Variants in IL34 observed in about 807,000 individuals in gnomAD.
IL34 encodes the protein interleukin 34, also known as interleukin-34.
IL34 carries 17 observed loss-of-function variants against 25.3 expected under a neutral mutation model. The ratio of observed to expected loss-of-function variants is 0.67; its 90% CI spans 0.46 to 1.01. The LOEUF is 1.01. IL34 is among the 50% of genes least tolerant of loss of function. The pLI, the probability that IL34 is intolerant of heterozygous loss-of-function variation, is 0.00. For missense variants in IL34, 368 were observed against 312.9 expected, an observed-to-expected ratio of 1.18 and a Z score of -1.33; for synonymous variants, 174 against 140.9, an observed-to-expected ratio of 1.23 and a Z score of -1.66.
Position 70,646,978 on chromosome 16 carries a change from G to T in IL34, c.28+3G>T. 6.9e-7 allele frequency: 1 copy of T among 1,456,748 alleles called. No individual in the cohort carries two copies. 90.2% of individuals were successfully genotyped at this position (1,456,748 alleles called of 1,614,324 possible). A position where few individuals can be genotyped will look rare whatever the true frequency, so the allele number is the denominator to read the frequency against. The stretch of plus-strand genomic sequence containing the variant: ...CCGGGGCTTCACCTGGCTGCGCTGT[G>T]AGTACTGGGGGGTCCCTAGGGACCT... On this transcript the variant is annotated splice_donor_region_variant and intron_variant, in intron 1 of 5. Coordinates refer to ENST00000288098, the MANE Select transcript of IL34 (RefSeq NM_001393494.1).
chr16:70,620,310 G>C (rs201149398), intron 1 of IL34, among the ~76,000 whole-genome samples: 7 of 152,174 alleles, frequency 4.6e-5, no homozygotes, highest in Admixed American at 1.3e-4. Flanking sequence ...TCTGATTTGG[G>C]ATAAAGAAAA....
intron 2 of IL34, among the ~76,000 whole-genome samples, 172 bp from the exon 3 acceptor site, chr16:70,656,430 G>A (rs1019827304): frequency 6.6e-6 from 1 of 152,158 alleles, no homozygotes; most frequent in South Asian, 2.1e-4. Context: ...GAGGTGGAAG[G>A]ATTGCTTGAG....
chr16:70,593,339 T>G (rs1186161462), intron 1 of IL34, among the ~76,000 whole-genome samples: 1 of 152,182 alleles, frequency 6.6e-6, no homozygotes, highest in Non-Finnish European at 1.5e-5. Flanking sequence ...TTTTGATATA[T>G]AGAAAAACAT....
At position 70,613,341 on chromosome 16, in the gene IL34, C is replaced by T. The variant is rs531180575; in HGVS notation, c.-400-33207C>T. On this transcript the variant is annotated intron_variant, in intron 1 of 6. Transcript: ENST00000429149. ...CTTCTTGGCTCAGGCAGGCTTGTAGCGTAGACTGGGGACATGGGGTTGGAG... is the reference window on the plus strand; with the variant it reads ...CTTCTTGGCTCAGGCAGGCTTGTAGTGTAGACTGGGGACATGGGGTTGGAG... 1.1e-4 allele frequency among the ~76,000 whole-genome samples: 16 copies of T among 152,254 alleles called. No individual in the cohort carries two copies. In the South Asian group the frequency reaches 1.4e-3, roughly 14 times the overall value.
intron 1 of IL34, among the ~76,000 whole-genome samples, chr16:70,609,447 A>G (rs2051058868): frequency 6.6e-6 from 1 of 152,088 alleles, no homozygotes; most frequent in Non-Finnish European, 1.5e-5. Flanking sequence ...AGTGCTTTTA[A>G]TCTCTCAGCC....
chr16:70,659,176 C>T (rs1044608599), intron 4 of IL34, among the ~76,000 whole-genome samples: 1 of 152,180 alleles, frequency 6.6e-6, no homozygotes, highest in Non-Finnish European at 1.5e-5. Context: ...CAGCTTGAAG[C>T]TGGACACCCT....
At chr16:70,616,709 AT>A (rs2051178493) in intron 1 of IL34, among the ~76,000 whole-genome samples, 1 of 152,170 alleles carries the variant, frequency 6.6e-6, no homozygotes, top group African/African-American at 2.4e-5. Context: ...GGTGGGGAGA[AT>A]TACAAACAAC....
intron 1 of IL34, among the ~76,000 whole-genome samples, chr16:70,603,574 G>A (rs11640075): frequency 0.066 from 10,041 of 152,026 alleles, 368 homozygotes; most frequent in African/African-American, 0.073. Context: ...CACCGTGCCC[G>A]GCCTATTTAT....
chr16:70,587,685 A>G (rs1296644349), intron 1 of IL34, among the ~76,000 whole-genome samples: 3 of 151,918 alleles, frequency 2.0e-5, no homozygotes, highest in Non-Finnish European at 2.9e-5. Flanking sequence ...AAAATACACA[A>G]TCTGCCTACA....
intron 1 of IL34, among the ~76,000 whole-genome samples, chr16:70,653,288 G>A (rs1329150590): frequency 1.3e-5 from 2 of 150,580 alleles, no homozygotes; most frequent in Admixed American, 1.3e-4. Flanking sequence ...CACGATGGAA[G>A]GACCGCTTGA....
chr16:70,649,797 T>TATTTTG (rs958777306), intron 1 of IL34, among the ~76,000 whole-genome samples: 3 of 151,616 alleles, frequency 2.0e-5, no homozygotes, highest in Admixed American at 1.3e-4. Context: ...TTTATTATTT[T>TATTTTG]ATTTTTATTT....
At chr16:70,639,484 C>A (rs537429220) in intron 1 of IL34, among the ~76,000 whole-genome samples, 45 of 152,306 alleles carry the variant, frequency 3.0e-4, no homozygotes, top group African/African-American at 9.9e-4. Flanking sequence ...TAGAATATCA[C>A]AATTAGCAGC....
intron 1 of IL34, among the ~76,000 whole-genome samples, chr16:70,636,144 T>C (rs1039377515): frequency 2.0e-5 from 3 of 152,058 alleles, no homozygotes; most frequent in African/African-American, 7.2e-5. Flanking sequence ...GTTCAAGTAA[T>C]TCTCTTGCCT....
chr16:70,589,423 G>T (rs1455477899), intron 1 of IL34, among the ~76,000 whole-genome samples: 1 of 151,922 alleles, frequency 6.6e-6, no homozygotes, highest in Admixed American at 6.6e-5. Flanking sequence ...CCCAGTGTCT[G>T]TTGTCCCCTC....
chr16:70,614,309 C>T (rs1035944145), intron 1 of IL34, among the ~76,000 whole-genome samples: 1 of 152,156 alleles, frequency 6.6e-6, no homozygotes, highest in African/African-American at 2.4e-5. Context: ...TTCTTTGGAG[C>T]AGACTCCTCA....
At chr16:70,585,130 C>G (rs2050677842) in intron 1 of IL34, among the ~76,000 whole-genome samples, 1 of 152,234 alleles carries the variant, frequency 6.6e-6, no homozygotes, top group South Asian at 2.1e-4. Context: ...CCCCCAACCT[C>G]TGGGCACCAC....
chr16:70,653,928 C>T (rs1275832624), intron 1 of IL34, among the ~76,000 whole-genome samples: 1 of 152,036 alleles, frequency 6.6e-6, no homozygotes, highest in Non-Finnish European at 1.5e-5. Context: ...AATGTTTCAG[C>T]GGCTCGTTTG....
chr16:70,645,004 GGAA>G (rs1399292064), upstream of IL34, among the ~76,000 whole-genome samples: 9 of 145,148 alleles, frequency 6.2e-5, no homozygotes, highest in African/African-American at 1.6e-4. Context: ...AGGAAGAAGA[GGAA>G]GAGGAGGAAG....
intron 2 of IL34, 63 bp from the exon 3 acceptor site, chr16:70,656,539 G>A: frequency 2.3e-6 from 2 of 863,548 alleles, no homozygotes; most frequent in Admixed American, 1.7e-5. Flanking sequence ...TCATTTGGGA[G>A]GTTGGGGAGC....
Sources: allele counts gnomAD v4.1 joint callset (sites outside exome capture counted in the v4.1 genomes callset), GRCh38; gene constraint gnomAD v4.1.1; transcripts MANE v1.5; gene names NCBI Gene and HGNC (gene_info 2026-07-23, HGNC 2026-07-21).